Variants in DHX36 observed in about 807,000 individuals in gnomAD.
The protein encoded by DHX36 is ATP-dependent DNA/RNA helicase DHX36.
In DHX36, 50 loss-of-function variants were observed where a neutral mutation model predicts 139.0. The observed-to-expected ratio is 0.36, with a 90% CI of 0.29 to 0.46. The LOEUF (loss-of-function observed/expected upper bound fraction) is 0.46, where lower values mean the gene tolerates loss of function less well. Ranked by LOEUF, DHX36 falls within the 20% of genes least tolerant of loss-of-function variation. The pLI is 1.00. For synonymous variants in DHX36, 425 were observed against 401.9 expected (o/e 1.06, Z -0.69); for missense variants, 1,024 against 1,211.3 (o/e 0.85, Z 2.29).
intron 1 of DHX36, among the ~76,000 whole-genome samples, chr3:154,318,627 C>T (rs1183047002): frequency 6.6e-6 from 1 of 152,164 alleles, no homozygotes; most frequent in Non-Finnish European, 1.5e-5. Flanking sequence ...AAAAAGTCAA[C>T]ATCAGTTGGT....
chr3:154,311,768 G>T, intron 3 of DHX36, 94 bp from the exon 4 acceptor site: 2 of 877,300 alleles, frequency 2.3e-6, no homozygotes, highest in East Asian at 2.9e-5. Context: ...AAATTGGCTA[G>T]AATCCGAAAG....
chr3:154,301,070 C>A lies in DHX36; in HGVS notation c.1275G>T (p.Gly425=), dbSNP rs543005848. The A allele has an allele frequency of 1.9e-6, 3 of 1,612,828 alleles. No homozygotes were observed. The highest frequency in any genetic ancestry group is 2.5e-6 in the Non-Finnish European group (3 of 1,179,724). ...RSQFKRGFMQ[G]HVNRQEKEEK... The stretch of plus-strand genomic sequence containing the variant: ...CTTCTTTTTCTTGTCTATTTACATG[C>A]CCTTGCATGAAACCCCTCTTAAACT... The change falls in exon 10 of 25, where the codon GGG becomes GGT. Residue 425 remains glycine (G), a synonymous_variant. Coordinates refer to ENST00000496811, the MANE Select transcript of DHX36 (RefSeq NM_020865.3).
At chr3:154,298,103 G>C (rs1030405732) in intron 12 of DHX36, among the ~76,000 whole-genome samples, 1 of 152,134 alleles carries the variant, frequency 6.6e-6, no homozygotes, top group African/African-American at 2.4e-5. Flanking sequence ...TGAGCTGGTA[G>C]TGGAAGTGTA....
intron 19 of DHX36, among the ~76,000 whole-genome samples, chr3:154,284,024 A>G (rs1719421098): frequency 6.6e-6 from 1 of 152,198 alleles, no homozygotes; most frequent in Non-Finnish European, 1.5e-5. Context: ...TAAACTATTC[A>G]CTTGTTCATT....
At chr3:154,298,846 A>G (rs355765) in intron 12 of DHX36, among the ~76,000 whole-genome samples, 137,964 of 152,268 alleles carry the variant, frequency 0.91, 62,738 homozygotes, top group East Asian at 1. Context: ...CCTGGAAGGT[A>G]GAGGTTGCAG....
At chr3:154,306,363 A>T (rs1712502064) in intron 5 of DHX36, 68 bp from the exon 6 acceptor site, 2 of 1,352,472 alleles carry the variant, frequency 1.5e-6, no homozygotes, top group Non-Finnish European at 2.1e-6. Flanking sequence ...ATGTCCATGA[A>T]AATCTAGGAC....
At chr3:154,303,291 T>C in intron 9 of DHX36, 38 bp downstream of exon 9, 1 of 1,395,200 alleles carries the variant, frequency 7.2e-7, no homozygotes, top group Non-Finnish European at 1.0e-6. Context: ...GATATATTAG[T>C]ACTTTTTAAT....
At chr3:154,302,327 A>G (rs553545697) in intron 9 of DHX36, among the ~76,000 whole-genome samples, 14 of 152,358 alleles carry the variant, frequency 9.2e-5, no homozygotes, top group African/African-American at 1.9e-4. Context: ...ACCCTGGTAC[A>G]TAACTGCCTG....
Position 154,309,813 on chromosome 3 carries a change from T to C in DHX36, c.653A>G (p.Asn218Ser). Residue 218 changes from asparagine (N) to serine (S), a missense_variant, in exon 5 of 25, where the codon AAT becomes AGT. By Grantham distance (46) the Asn-to-Ser change is conservative (BLOSUM62 1). Coordinates refer to ENST00000496811, the MANE Select transcript of DHX36 (RefSeq NM_020865.3). Reference protein sequence around the residue: ...PSYGMQKELVNLIDNHQVTVI... With the variant: ...PSYGMQKELVSLIDNHQVTVI... ...TGTTACCTGATGGTTATCAATTAAA[T>C]TTACCAATTCCTATTTCAAAAGGGA... 1 of 1,596,372 alleles carries C rather than the reference T, an allele frequency of 6.3e-7. No individual in the cohort carries two copies. The highest frequency in any genetic ancestry group is 8.5e-7 in the Non-Finnish European group (1 of 1,172,766).
intron 1 of DHX36, among the ~76,000 whole-genome samples, chr3:154,321,768 G>A (rs1479238852): frequency 1.3e-5 from 2 of 152,096 alleles, no homozygotes; most frequent in African/African-American, 4.8e-5. Flanking sequence ...AGACCAGCCT[G>A]GCCAACATGG....
At chr3:154,315,936 A>G in intron 2 of DHX36, 103 bp downstream of exon 2, 1 of 1,346,004 alleles carries the variant, frequency 7.4e-7, no homozygotes, top group Non-Finnish European at 9.9e-7. Flanking sequence ...GAAAAAAAGT[A>G]CGTAAAGGTT....
chr3:154,313,499 G>GTTTTTGCTTT (rs1317051194), intron 3 of DHX36, among the ~76,000 whole-genome samples: 3 of 152,172 alleles, frequency 2.0e-5, no homozygotes, highest in Admixed American at 6.5e-5. Context: ...GGGCAACAAA[G>GTTTTTGCTTT]CAAAACCCTG....
intron 17 of DHX36, among the ~76,000 whole-genome samples, chr3:154,287,689 G>C (rs1170620131): frequency 6.6e-6 from 1 of 151,374 alleles, no homozygotes; most frequent in East Asian, 1.9e-4. Context: ...ATAAAATAAG[G>C]AATTTATCAA....
At chr3:154,288,288 TG>T (rs1211177556) in intron 17 of DHX36, among the ~76,000 whole-genome samples, 21 of 151,928 alleles carry the variant, frequency 1.4e-4, no homozygotes, top group African/African-American at 4.3e-4. Flanking sequence ...ACATTCTGTA[TG>T]GGTTCATGTA....
Position 154,306,385 on chromosome 3 carries a change from T to A in DHX36, c.814-90A>T, listed in dbSNP as rs1475323348. 2.8e-6 allele frequency: 3 copies of A among 1,079,108 alleles called. No homozygotes were observed. The African/African-American group carries it at 4.8e-5, about 17-fold the overall frequency. 66.8% of individuals were successfully genotyped at this position (1,079,108 alleles called of 1,614,324 possible). On this transcript the variant is annotated intron_variant, in intron 5 of 24. Transcript: ENST00000496811. ...TGAAAATCTAGGACTGTTGAAAAATTGTTCTTCAGATTTCTAAATGAGTTA... is the reference window on the plus strand; with the variant it reads ...TGAAAATCTAGGACTGTTGAAAAATAGTTCTTCAGATTTCTAAATGAGTTA...
chr3:154,308,156 CACTT>C (rs1286451297), intron 5 of DHX36, among the ~76,000 whole-genome samples: 5 of 152,136 alleles, frequency 3.3e-5, no homozygotes, highest in African/African-American at 9.7e-5. Context: ...TAGAAGCTCT[CACTT>C]AACCACTACA....
intron 2 of DHX36, 29 bp downstream of exon 2, chr3:154,316,010 A>G: frequency 1.9e-6 from 3 of 1,602,726 alleles, no homozygotes; most frequent in Non-Finnish European, 2.6e-6. Context: ...CTCTTTGCCT[A>G]TTCTTTAAAA....
In DHX36 at chr3:154,273,798, C is replaced by T. The variant is rs534876811; in HGVS notation, c.*2373G>A. ...CATTGTATGATACTATTAACTCTTT[C>T]GGTTTCCTTGCATTTATTGGAAGGC... On this transcript the variant is annotated 3_prime_UTR_variant, in exon 25 of 25. Coordinates refer to ENST00000496811, the MANE Select transcript of DHX36 (RefSeq NM_020865.3). 33 of 152,302 alleles carry T rather than the reference C, an allele frequency of 2.2e-4. No individual in the cohort carries two copies. Among genetic ancestry groups the T allele is most frequent in the Admixed American group, 7.2e-4 (11 of 15,298 alleles). 9.4% of individuals were successfully genotyped at this position (152,302 alleles called of 1,614,324 possible).
chr3:154,295,678 A>G (rs1712015962), intron 12 of DHX36, among the ~76,000 whole-genome samples: 2 of 152,214 alleles, frequency 1.3e-5, no homozygotes, highest in Admixed American at 1.3e-4. Flanking sequence ...AAGAATGCTC[A>G]AAAGTTGGGA....
Sources: gnomAD v4.1 joint callset for allele counts (sites outside exome capture counted in the v4.1 genomes callset) on GRCh38, gnomAD v4.1.1 for gene constraint, MANE v1.5 for transcripts, NCBI Gene and HGNC (gene_info 2026-07-23, HGNC 2026-07-21) for gene names.